Variants in CDH1 observed in about 807,000 individuals in gnomAD.
CDH1 encodes the protein cadherin-1.
A neutral mutation model predicts 84.5 loss-of-function variants in CDH1; 35 were observed. That is an observed-to-expected ratio of 0.41 (90% CI 0.32 to 0.55). CDH1 has a LOEUF of 0.55. Ranked by LOEUF, CDH1 falls within the 20% of genes least tolerant of loss-of-function variation. The pLI, the probability that CDH1 is intolerant of heterozygous loss-of-function variation, is 0.19. For synonymous variants in CDH1, 417 were observed against 439.0 expected (o/e 0.95, Z 0.63); for missense variants, 994 against 1,126.6 (o/e 0.88, Z 1.68).
rs77312180 is a variant in CDH1, at chr16:68,737,468, C to G, written c.48+5C>G. ...GCGCTGCTGCTGCTGCTGCAGGTAC[C>G]CCGGATCCCCTGACTTGCGAGGGAC... On this transcript the variant is annotated splice_donor_5th_base_variant and intron_variant, in intron 1 of 15. Transcript: ENST00000261769. The G allele has an allele frequency of 6.1e-3, 9,418 of 1,537,598 alleles. 509 individuals carry two copies. The African/African-American group carries it at 0.11, about 18-fold the overall frequency.
chr16:68,815,968 C>G (rs1411324997), intron 10 of CDH1, among the ~76,000 whole-genome samples: 1 of 152,152 alleles, frequency 6.6e-6, no homozygotes, highest in African/African-American at 2.4e-5. Flanking sequence ...TGTGCTGCCT[C>G]TCTTTGAGCT....
chr16:68,745,741 C>T (rs1041866057), intron 2 of CDH1, among the ~76,000 whole-genome samples: 1 of 151,742 alleles, frequency 6.6e-6, no homozygotes, highest in African/African-American at 2.4e-5. Context: ...TCACCTAGGG[C>T]ACTTCATGCA....
rs562343142 is a variant in CDH1, at chr16:68,803,420, C to G, written c.387+1527C>G. Among the ~76,000 whole-genome samples, 6 of 152,228 alleles carry G rather than the reference C, an allele frequency of 3.9e-5. No individual in the cohort carries two copies. In the South Asian group the frequency reaches 1.0e-3, roughly 26 times the overall value. ...AGAGACAGTTTTATTTTTTTAGAGA[C>G]AGATTCTTGCTCTGTCTCCCAGGCT... On this transcript the variant is annotated intron_variant, in intron 3 of 15. Coordinates refer to ENST00000261769, the MANE Select transcript of CDH1 (RefSeq NM_004360.5).
intron 2 of CDH1, among the ~76,000 whole-genome samples, chr16:68,767,147 C>T (rs144673841): frequency 6.7e-6 from 1 of 149,608 alleles, no homozygotes; most frequent in African/African-American, 2.5e-5. Context: ...CATAATAGAA[C>T]ACGATGAACC....
At chr16:68,744,979 T>G (rs1294824408) in intron 2 of CDH1, among the ~76,000 whole-genome samples, 4 of 152,160 alleles carry the variant, frequency 2.6e-5, no homozygotes, top group Non-Finnish European at 5.9e-5. Flanking sequence ...CTAAGCCTAG[T>G]GCCTTGTTAG....
chr16:68,807,021 A>G (rs1395702123), intron 3 of CDH1, among the ~76,000 whole-genome samples: 1 of 152,182 alleles, frequency 6.6e-6, no homozygotes, highest in Non-Finnish European at 1.5e-5. Context: ...GTGAGTTTTT[A>G]TGTGGAGGGT....
intron 2 of CDH1, among the ~76,000 whole-genome samples, chr16:68,800,219 GTC>G (rs1198054911): frequency 1.3e-5 from 2 of 151,742 alleles, no homozygotes; most frequent in East Asian, 3.9e-4. Context: ...CCTTAATAGG[GTC>G]TCTCCAGAGA....
At chr16:68,787,825 A>ATTTTTTTTT (rs58676133) in intron 2 of CDH1, among the ~76,000 whole-genome samples, 16,007 of 100,652 alleles carry the variant, frequency 0.16, 1,547 homozygotes, top group Non-Finnish European at 0.19. Flanking sequence ...CGCCCGGCTA[A>ATTTTTTTTT]TTTTTTTTTT....
chr16:68,834,122 A>G lies in CDH1; in HGVS notation c.*623A>G, dbSNP rs142125691. On this transcript the variant is annotated 3_prime_UTR_variant, in exon 16 of 16. Transcript: ENST00000261769. ...CAGGCATGCACCACTACGCATGACT[A>G]ATTTTTTAAATATTTGAGACGGGGT... 3.2e-4 allele frequency: 141 copies of G among 438,642 alleles called. 1 individual carries two copies. Among genetic ancestry groups the G allele is most frequent in the Non-Finnish European group, 5.6e-4 (125 of 221,350 alleles). The allele number at this position is 438,642 out of a possible 1,614,324, so 27.2% of individuals were successfully genotyped here. A position where few individuals can be genotyped will look rare whatever the true frequency, so the allele number is the denominator to read the frequency against.
At chr16:68,824,147 GCCA>G (rs1300972819) in intron 13 of CDH1, among the ~76,000 whole-genome samples, 3 of 151,992 alleles carry the variant, frequency 2.0e-5, no homozygotes, top group Admixed American at 2.0e-4. Context: ...ATGGGCATGT[GCCA>G]CCACGCCCAG....
intron 15 of CDH1, among the ~76,000 whole-genome samples, chr16:68,831,069 CTTTTTTTT>C (rs1157074539): frequency 1.0e-4 from 8 of 80,290 alleles, no homozygotes; most frequent in East Asian, 3.5e-4. Flanking sequence ...CTTTAGCTTT[CTTTTTTTT>C]TTTTTTTTTT....
In CDH1 at chr16:68,829,637, A is replaced by T; in HGVS notation, c.2296-17A>T. The T allele has an allele frequency of 6.2e-7, 1 of 1,613,612 alleles. No individual in the cohort carries two copies. The highest frequency in any genetic ancestry group is 8.5e-7 in the Non-Finnish European group (1 of 1,179,750). On this transcript the variant is annotated splice_polypyrimidine_tract_variant and intron_variant, in intron 14 of 15. Coordinates refer to ENST00000261769, the MANE Select transcript of CDH1 (RefSeq NM_004360.5). The stretch of plus-strand genomic sequence containing the variant: ...CTTTCCTACTCTTCATTGTACTTCA[A>T]CCTTTTTTCTCCAAAGGACTTTGAC...
chr16:68,752,708 C>T (rs968561729), intron 2 of CDH1, among the ~76,000 whole-genome samples: 1 of 152,088 alleles, frequency 6.6e-6, no homozygotes, highest in Admixed American at 6.5e-5. Context: ...TCTGCACACC[C>T]CTGATGTAAC....
intron 2 of CDH1, among the ~76,000 whole-genome samples, chr16:68,770,522 C>G (rs1959540064): frequency 6.6e-6 from 1 of 152,008 alleles, no homozygotes; most frequent in Admixed American, 6.6e-5. Flanking sequence ...AGCCTCGCAC[C>G]TTCAGGGAAC....
At chr16:68,801,204 C>T (rs1281122758) in intron 2 of CDH1, among the ~76,000 whole-genome samples, 3 of 152,156 alleles carry the variant, frequency 2.0e-5, no homozygotes, top group Non-Finnish European at 4.4e-5. Context: ...CTCCACCTTA[C>T]AGGTTCAAGA....
intron 2 of CDH1, among the ~76,000 whole-genome samples, chr16:68,777,827 G>A (rs942271046): frequency 6.6e-6 from 1 of 151,874 alleles, no homozygotes; most frequent in African/African-American, 2.4e-5. Flanking sequence ...TGCCTCCCAG[G>A]TTCAAGCGAT....
At chr16:68,829,403 A>T (rs1008220974) in intron 14 of CDH1, among the ~76,000 whole-genome samples, 26 of 152,208 alleles carry the variant, frequency 1.7e-4, no homozygotes, top group African/African-American at 6.3e-4. Context: ...ATGTCCTATG[A>T]AAATTAGTAA....
intron 2 of CDH1, among the ~76,000 whole-genome samples, chr16:68,758,962 A>T (rs1382853015): frequency 6.6e-6 from 1 of 151,472 alleles, no homozygotes; most frequent in Non-Finnish European, 1.5e-5. Context: ...TGCCTGGCTA[A>T]TTTTTTCTAT....
At chr16:68,781,449 C>T (rs994627530) in intron 2 of CDH1, among the ~76,000 whole-genome samples, 8 of 152,142 alleles carry the variant, frequency 5.3e-5, no homozygotes, top group African/African-American at 1.7e-4. Context: ...AAGCAATTAA[C>T]TCCACCTCAG....
Sources: gnomAD v4.1 joint callset for allele counts (sites outside exome capture counted in the v4.1 genomes callset) on GRCh38, gnomAD v4.1.1 for gene constraint, MANE v1.5 for transcripts, NCBI Gene and HGNC (gene_info 2026-07-23, HGNC 2026-07-21) for gene names.